HNRNPA1L2: variants seen among roughly 807,000 people sequenced by gnomAD.
The protein encoded by HNRNPA1L2 is heterogeneous nuclear ribonucleoprotein A1 like 2.
In HNRNPA1L2, 10 loss-of-function variants were observed where a neutral mutation model predicts 18.2. The ratio of observed to expected loss-of-function variants is 0.55; its 90% CI spans 0.34 to 0.93. The LOEUF (loss-of-function observed/expected upper bound fraction) is 0.93. Ranked by LOEUF, HNRNPA1L2 falls within the 40% of genes least tolerant of loss-of-function variation. HNRNPA1L2 has a pLI of 0.02. For missense variants in HNRNPA1L2, 308 were observed against 394.4 expected, an observed-to-expected ratio of 0.78 and a Z score of 1.85; for synonymous variants, 124 against 138.6, an observed-to-expected ratio of 0.89 and a Z score of 0.74.
the HNRNPA1L2 span, among the ~76,000 whole-genome samples, chr13:52,635,680 G>T: frequency 6.6e-6 from 1 of 151,370 alleles, no homozygotes; most frequent in Admixed American, 6.6e-5. Flanking sequence ...GCATCTCTTA[G>T]AATTGTACAT....
In HNRNPA1L2 at chr13:52,642,793, C is replaced by T. The variant is rs1407531309; in HGVS notation, c.301C>T (p.His101Tyr). Reference sequence around the variant, plus strand: ...AGAAGATTCTCAAAGACCAGGTGCCCACTTAACTGTGAAAAAGATATTTGT... The same window carrying T: ...AGAAGATTCTCAAAGACCAGGTGCCTACTTAACTGTGAAAAAGATATTTGT... ...SREDSQRPGAHLTVKKIFVGG... is the reference protein window; with the variant it reads ...SREDSQRPGAYLTVKKIFVGG... The change falls in exon 1 of 1, where the codon CAC becomes TAC. Residue 101 changes from histidine (H) to tyrosine (Y), a missense_variant. Transcript: ENST00000357495. 1.3e-6 allele frequency: 2 copies of T among 1,596,308 alleles called. No homozygotes were observed. Among genetic ancestry groups the T allele is most frequent in the East Asian group, 2.2e-5 (1 of 44,880 alleles).
upstream of HNRNPA1L2, among the ~76,000 whole-genome samples, chr13:52,638,637 GC>G (rs1961541137): frequency 6.6e-6 from 1 of 152,166 alleles, no homozygotes; most frequent in Non-Finnish European, 1.5e-5. Context: ...TCCTAAAGGT[GC>G]TTTTAAAGTT....
At chr13:52,627,044 T>G in the HNRNPA1L2 span, among the ~76,000 whole-genome samples, 4 of 152,222 alleles carry the variant, frequency 2.6e-5, no homozygotes, top group Admixed American at 2.6e-4. Context: ...TGTTTTTTCA[T>G]TCTAACAACA....
At chr13:52,640,111 T>C (rs1961609538), upstream of HNRNPA1L2, among the ~76,000 whole-genome samples, 1 of 152,090 alleles carries the variant, frequency 6.6e-6, no homozygotes, top group Admixed American at 6.6e-5. Context: ...CTAATAGATG[T>C]GTGTATTTTT....
At chr13:52,626,334 T>C in the HNRNPA1L2 span, among the ~76,000 whole-genome samples, 1 of 151,228 alleles carries the variant, frequency 6.6e-6, no homozygotes, top group Non-Finnish European at 1.5e-5. Context: ...CAGATGCCTG[T>C]AGTCCAAGCT....
chr13:52,631,497 G>T, the HNRNPA1L2 span, among the ~76,000 whole-genome samples: 1 of 152,152 alleles, frequency 6.6e-6, no homozygotes, highest in Non-Finnish European at 1.5e-5. Flanking sequence ...CCGGACGTTC[G>T]GTTGAGAAAG....
rs1961742022 is a variant in HNRNPA1L2, at chr13:52,643,655, T to G, written c.*200T>G. On this transcript the variant is annotated 3_prime_UTR_variant, in exon 1 of 1. Coordinates refer to ENST00000357495, the MANE Select transcript of HNRNPA1L2 (RefSeq NM_001389320.1). ...TTGTGACTAATTGTATAACAGGTTA[T>G]TTTAGTTTCTGTTCTGTGGAAAGTG... 1 of 609,066 alleles carries G rather than the reference T, an allele frequency of 1.6e-6. No individual in the cohort carries two copies. Among genetic ancestry groups the G allele is most frequent in the Non-Finnish European group, 2.9e-6 (1 of 343,522 alleles). 37.7% of individuals were successfully genotyped at this position (609,066 alleles called of 1,614,324 possible). A position where few individuals can be genotyped will look rare whatever the true frequency, so the allele number is the denominator to read the frequency against.
the HNRNPA1L2 span, among the ~76,000 whole-genome samples, chr13:52,623,092 AATCAGTACCC>A: frequency 6.6e-6 from 1 of 152,156 alleles, no homozygotes; most frequent in Non-Finnish European, 1.5e-5. Context: ...TAATTCAGAC[AATCAGTACCC>A]ATAATAGGTA....
At chr13:52,619,456 G>C in the HNRNPA1L2 span, among the ~76,000 whole-genome samples, 1 of 152,130 alleles carries the variant, frequency 6.6e-6, no homozygotes, top group African/African-American at 2.4e-5. Flanking sequence ...GGGACTACAA[G>C]CGTACGTTAC....
the HNRNPA1L2 span, chr13:52,617,820 A>C: frequency 2.6e-6 from 1 of 388,408 alleles, no homozygotes. Flanking sequence ...TTTAAATCTG[A>C]GAAAAGAAAA....
At chr13:52,621,778 T>G in the HNRNPA1L2 span, among the ~76,000 whole-genome samples, 554 of 152,276 alleles carry the variant, frequency 3.6e-3, 2 homozygotes, top group African/African-American at 0.012. Flanking sequence ...GGAGTTAATG[T>G]GGGTATGAGA....
At chr13:52,631,067 G>A in the HNRNPA1L2 span, among the ~76,000 whole-genome samples, 40 of 152,270 alleles carry the variant, frequency 2.6e-4, no homozygotes, top group African/African-American at 8.9e-4. Flanking sequence ...CAGCTAAAGG[G>A]GAGTAAGGGG....
chr13:52,632,964 A>G, the HNRNPA1L2 span, among the ~76,000 whole-genome samples: 3 of 152,216 alleles, frequency 2.0e-5, no homozygotes, highest in African/African-American at 7.2e-5. Flanking sequence ...TTCAACCAAC[A>G]CACATATACC....
chr13:52,622,390 AT>A, the HNRNPA1L2 span: 4 of 152,254 alleles, frequency 2.6e-5, no homozygotes, highest in African/African-American at 9.6e-5. Flanking sequence ...GAAGAAAAAA[AT>A]ATCAGCTAAT....
chr13:52,621,607 C>T, the HNRNPA1L2 span, among the ~76,000 whole-genome samples: 1 of 152,100 alleles, frequency 6.6e-6, no homozygotes, highest in Non-Finnish European at 1.5e-5. Flanking sequence ...CCAGGCCTCC[C>T]CTGGCCACCC....
the HNRNPA1L2 span, among the ~76,000 whole-genome samples, chr13:52,628,570 T>A: frequency 3.6e-4 from 55 of 152,352 alleles, 1 homozygote; most frequent in East Asian, 9.4e-3. Flanking sequence ...GGTTTTAATT[T>A]AGTTATTGAA....
At chr13:52,626,562 A>T in the HNRNPA1L2 span, among the ~76,000 whole-genome samples, 1 of 152,170 alleles carries the variant, frequency 6.6e-6, no homozygotes. Flanking sequence ...TTTAAAATAT[A>T]CGCAAAGTAC....
upstream of HNRNPA1L2, chr13:52,641,782 A>G (rs542592903): frequency 2.6e-5 from 4 of 152,264 alleles, no homozygotes; most frequent in South Asian, 6.2e-4. Context: ...CAAATTCTGC[A>G]CTCCCAGACA....
the HNRNPA1L2 span, among the ~76,000 whole-genome samples, chr13:52,622,734 C>G: frequency 6.6e-6 from 1 of 152,198 alleles, no homozygotes; most frequent in African/African-American, 2.4e-5. Flanking sequence ...TGACCAATAA[C>G]TATCCGTGCT....
Sources: gnomAD v4.1 joint callset for allele counts (sites outside exome capture counted in the v4.1 genomes callset) on GRCh38, gnomAD v4.1.1 for gene constraint, MANE v1.5 for transcripts, NCBI Gene and HGNC (gene_info 2026-07-23, HGNC 2026-07-21) for gene names.